JARID2: variants seen among roughly 807,000 people sequenced by gnomAD.
JARID2 encodes the protein jumonji and AT-rich interaction domain containing 2, also known as protein Jumonji.
In JARID2, 21 loss-of-function variants were observed where a neutral mutation model predicts 125.6. The ratio of observed to expected loss-of-function variants is 0.17; its 90% CI spans 0.12 to 0.24. JARID2 has a LOEUF of 0.24. Ranked by LOEUF, JARID2 falls within the 10% of genes least tolerant of loss-of-function variation. The pLI is 1.00. For synonymous variants in JARID2, 736 were observed against 661.6 expected (o/e 1.11, Z -1.73); for missense variants, 1,303 against 1,639.6 (o/e 0.79, Z 3.55).
At position 15,275,544 on chromosome 6, in the gene JARID2, C is replaced by CCG. The variant is rs1554118142; in HGVS notation, c.45+28960_45+28961insCG. Among the ~76,000 whole-genome samples, 558 of 94,666 alleles carry CCG rather than the reference C, an allele frequency of 5.9e-3. 44 individuals carry two copies. The highest frequency in any genetic ancestry group is 0.01 in the Admixed American group (91 of 8,706). 62.1% of individuals were successfully genotyped at this position (94,666 alleles called of 152,430 possible). The stretch of plus-strand genomic sequence containing the variant: ...TTACCGCCCCCCCCGCCCCCCCCCC[C>CCG]GTCTTTTGCCTCTTCAATGACCAGG... On this transcript the variant is annotated intron_variant, in intron 1 of 17. Transcript: ENST00000341776.
intron 1 of JARID2, among the ~76,000 whole-genome samples, chr6:15,263,001 G>C (rs1759940776): frequency 6.6e-6 from 1 of 152,074 alleles, no homozygotes; most frequent in Admixed American, 6.5e-5. Context: ...GAAGTGATGT[G>C]CTCTGTTCAG....
intron 1 of JARID2, among the ~76,000 whole-genome samples, chr6:15,258,568 G>A (rs895403578): frequency 1.3e-5 from 2 of 152,180 alleles, no homozygotes; most frequent in Non-Finnish European, 2.9e-5. Flanking sequence ...CGGATCACAA[G>A]GTCAGGAGTT....
chr6:15,434,789 G>C lies in JARID2; in HGVS notation c.324-17217G>C, dbSNP rs766572837. Among the ~76,000 whole-genome samples the C allele has an allele frequency of 7.9e-5, 12 of 152,192 alleles. No individual in the cohort carries two copies. In the Middle Eastern group the frequency reaches 0.014, roughly 173 times the overall value. On this transcript the variant is annotated intron_variant, in intron 3 of 17. Coordinates refer to ENST00000341776, the MANE Select transcript of JARID2 (RefSeq NM_004973.4). The stretch of plus-strand genomic sequence containing the variant: ...ATAGGACAGTGTTTCTCAGCTTTCC[G>C]TATCTTGGGCCTTAACCTCTGCTGG...
chr6:15,290,418 C>T (rs1761161408), intron 1 of JARID2, among the ~76,000 whole-genome samples: 1 of 152,130 alleles, frequency 6.6e-6, no homozygotes, highest in South Asian at 2.1e-4. Context: ...AATTGCTGGG[C>T]CATAAAGTAG....
chr6:15,455,858 T>G (rs1406270445), intron 4 of JARID2, among the ~76,000 whole-genome samples: 2 of 152,240 alleles, frequency 1.3e-5, no homozygotes, highest in African/African-American at 4.8e-5. Context: ...TAACTATGAC[T>G]TAACTAGTTT....
intron 1 of JARID2, among the ~76,000 whole-genome samples, chr6:15,357,367 T>C (rs558101753): frequency 2.6e-4 from 40 of 152,350 alleles, no homozygotes; most frequent in African/African-American, 9.6e-4. Flanking sequence ...AAATGTGCCC[T>C]TATTTTTATG....
chr6:15,352,301 GT>G (rs1422460053), intron 1 of JARID2, among the ~76,000 whole-genome samples: 1 of 151,660 alleles, frequency 6.6e-6, no homozygotes, highest in Non-Finnish European at 1.5e-5. Flanking sequence ...AAGAAACTAT[GT>G]AGCCCCCCGC....
At chr6:15,434,960 C>G (rs1421738605) in intron 3 of JARID2, among the ~76,000 whole-genome samples, 1 of 152,168 alleles carries the variant, frequency 6.6e-6, no homozygotes, top group Non-Finnish European at 1.5e-5. Context: ...TTTTTGATTT[C>G]TAGAAGCTCT....
chr6:15,442,672 A>T (rs1767497708), intron 3 of JARID2, among the ~76,000 whole-genome samples: 1 of 152,218 alleles, frequency 6.6e-6, no homozygotes, highest in Non-Finnish European at 1.5e-5. Context: ...TAACTGTGTC[A>T]TTTGTGACTG....
rs1185076281 is a variant in JARID2 at position 15,264,083 on chromosome 6, A to C, written c.45+17499A>C. Among the ~76,000 whole-genome samples, 5 of 152,204 alleles carry C rather than the reference A, an allele frequency of 3.3e-5. No individual in the cohort carries two copies. The South Asian group carries it at 1.0e-3, about 31-fold the overall frequency. On this transcript the variant is annotated intron_variant, in intron 1 of 17. Transcript: ENST00000341776. Reference sequence around the variant, plus strand: ...TAATTTCAGGCAATTTTTAATTGTTAGAAAAACTGTAAGGCAACATAAGAG... The same window carrying C: ...TAATTTCAGGCAATTTTTAATTGTTCGAAAAACTGTAAGGCAACATAAGAG...
intron 3 of JARID2, among the ~76,000 whole-genome samples, chr6:15,445,622 TC>T (rs1767640836): frequency 6.6e-6 from 1 of 152,148 alleles, no homozygotes; most frequent in Non-Finnish European, 1.5e-5. Context: ...TATGTGGTGG[TC>T]TTGTTGCATG....
In JARID2 at chr6:15,520,693, A is replaced by ACG. The variant is rs975000559; in HGVS notation, c.*443_*444insGC. On this transcript the variant is annotated 3_prime_UTR_variant, in exon 18 of 18. Coordinates refer to ENST00000341776, the MANE Select transcript of JARID2 (RefSeq NM_004973.4). ...GAAGGGATAGGAGACACACGCGCAC[A>ACG]CACACACACACACGAAACTTGAAAT... 5.2e-5 allele frequency: 23 copies of ACG among 438,764 alleles called. No individual in the cohort carries two copies. The highest frequency in any genetic ancestry group is 9.2e-5 in the Non-Finnish European group (20 of 216,816). 27.2% of individuals were successfully genotyped at this position (438,764 alleles called of 1,614,324 possible).
At chr6:15,321,029 T>C (rs1762337967) in intron 1 of JARID2, among the ~76,000 whole-genome samples, 1 of 152,186 alleles carries the variant, frequency 6.6e-6, no homozygotes, top group Non-Finnish European at 1.5e-5. Flanking sequence ...AATGATTTCA[T>C]TATTACAAGT....
At chr6:15,427,491 T>C (rs1175223585) in intron 3 of JARID2, among the ~76,000 whole-genome samples, 1 of 152,082 alleles carries the variant, frequency 6.6e-6, no homozygotes, top group Non-Finnish European at 1.5e-5. Flanking sequence ...CCACCCCCCA[T>C]GTAAATTATG....
At chr6:15,421,153 C>G (rs144491571) in intron 3 of JARID2, among the ~76,000 whole-genome samples, 1 of 152,152 alleles carries the variant, frequency 6.6e-6, no homozygotes, top group Non-Finnish European at 1.5e-5. Flanking sequence ...CCTGGACATT[C>G]TCTCAGGGCA....
chr6:15,320,850 CTCTGTGTG>C (rs1762329459), intron 1 of JARID2, among the ~76,000 whole-genome samples: 1 of 135,130 alleles, frequency 7.4e-6, no homozygotes, highest in African/African-American at 2.8e-5. Flanking sequence ...CTCTCTCTCT[CTCTGTGTG>C]TGTGTGTGTG....
At chr6:15,334,813 T>A (rs73361576) in intron 1 of JARID2, among the ~76,000 whole-genome samples, 3,430 of 152,326 alleles carry the variant, frequency 0.023, 129 homozygotes, top group African/African-American at 0.077. Flanking sequence ...TTCTAGTTCC[T>A]GTTCAAAACT....
At chr6:15,454,437 GT>G (rs1004959124) in intron 4 of JARID2, among the ~76,000 whole-genome samples, 1 of 152,170 alleles carries the variant, frequency 6.6e-6, no homozygotes, top group African/African-American at 2.4e-5. Context: ...GGTAGGTGGG[GT>G]TCCCACCAGT....
intron 7 of JARID2, among the ~76,000 whole-genome samples, chr6:15,499,351 C>T (rs1561907659): frequency 1.3e-5 from 2 of 152,204 alleles, no homozygotes; most frequent in Non-Finnish European, 2.9e-5. Context: ...GGCTCGGCCA[C>T]GTAGCAGCCT....
Sources: allele counts gnomAD v4.1 joint callset (sites outside exome capture counted in the v4.1 genomes callset), GRCh38; gene constraint gnomAD v4.1.1; transcripts MANE v1.5; gene names NCBI Gene and HGNC (gene_info 2026-07-23, HGNC 2026-07-21).